Variants in NCBP1 observed in about 807,000 individuals in gnomAD.
NCBP1 encodes the protein nuclear cap-binding protein subunit 1.
A neutral mutation model predicts 111.7 loss-of-function variants in NCBP1; 16 were observed. The observed-to-expected ratio is 0.14, with a 90% CI of 0.10 to 0.22. The LOEUF (loss-of-function observed/expected upper bound fraction) is 0.22. Among genes scored for constraint, NCBP1 ranks in the 10% least tolerant of loss-of-function variants. The pLI is 1.00. For missense variants in NCBP1, 607 were observed against 957.5 expected (o/e 0.63, Z 4.83); for synonymous variants, 304 against 314.3 (o/e 0.97, Z 0.35).
chr9:97,668,782 T>A, intron 20 of NCBP1, 64 bp from the exon 21 acceptor site: 1 of 1,546,150 alleles, frequency 6.5e-7, no homozygotes, highest in African/African-American at 1.4e-5. Context: ...ATGCTTCCCC[T>A]GGAGGAGATT....
intron 8 of NCBP1, among the ~76,000 whole-genome samples, 190 bp downstream of exon 8, chr9:97,648,413 G>A (rs1827405826): frequency 6.6e-6 from 1 of 152,158 alleles, no homozygotes. Flanking sequence ...ATTATATTTG[G>A]CATGTGTAAA....
chr9:97,665,198 G>A (rs989128965), intron 19 of NCBP1, among the ~76,000 whole-genome samples: 3 of 152,236 alleles, frequency 2.0e-5, no homozygotes, highest in Non-Finnish European at 4.4e-5. Context: ...GTGATAGGGT[G>A]TGATCTAAGG....
Position 97,640,846 on chromosome 9 carries a change from T to A in NCBP1, c.87T>A (p.Asp29Glu). The A allele has an allele frequency of 6.2e-7, 1 of 1,609,666 alleles. No homozygotes were observed. Among genetic ancestry groups the A allele is most frequent in the Non-Finnish European group, 8.5e-7 (1 of 1,177,908 alleles). Reference sequence around the variant, plus strand: ...CCTCTGATGCAAATGAAACTGAAGATCATTTGGAATCTTTAATATGTAAAG... The same window carrying A: ...CCTCTGATGCAAATGAAACTGAAGAACATTTGGAATCTTTAATATGTAAAG... The part of the protein sequence containing the change: ...RKTSDANETE[D>E]HLESLICKVG... Residue 29 changes from aspartate to glutamate, a missense_variant, in exon 2 of 23, where the codon GAT (aspartate) becomes GAA (glutamate). By Grantham distance (45) the Asp-to-Glu change is conservative. Coordinates refer to ENST00000375147, the MANE Select transcript of NCBP1 (RefSeq NM_002486.5).
chr9:97,639,157 A>C (rs1475348769), intron 1 of NCBP1, among the ~76,000 whole-genome samples: 1 of 152,188 alleles, frequency 6.6e-6, no homozygotes, highest in Non-Finnish European at 1.5e-5. Flanking sequence ...CTCATGCTGC[A>C]TGCGTATTAT....
intron 14 of NCBP1, 82 bp downstream of exon 14, chr9:97,656,167 T>A: frequency 8.6e-7 from 1 of 1,157,104 alleles, no homozygotes; most frequent in Non-Finnish European, 1.3e-6. Flanking sequence ...GTGTTCAGAA[T>A]ATTGGATTCA....
rs909841571 is a variant in NCBP1, at chr9:97,671,985, T to TA, written c.*786_*787insA. ...GCCTTGGGGTTATTTGTCCAAGGTC[T>TA]TGTAGTGAGTTACAGAATACTAAAG... On this transcript the variant is annotated 3_prime_UTR_variant, in exon 23 of 23. Transcript: ENST00000375147. 4 of 152,228 alleles carry TA rather than the reference T, an allele frequency of 2.6e-5. No homozygotes were observed. Among genetic ancestry groups the TA allele is most frequent in the Non-Finnish European group, 4.4e-5 (3 of 68,040 alleles). 9.4% of individuals were successfully genotyped at this position (152,228 alleles called of 1,614,324 possible). A position where few individuals can be genotyped will look rare whatever the true frequency, so the allele number is the denominator to read the frequency against.
rs369313579 is a variant in NCBP1, at chr9:97,669,025, A to C, written c.2145+51A>C. 3.7e-5 allele frequency: 56 copies of C among 1,504,818 alleles called. No individual in the cohort carries two copies. The Middle Eastern group carries it at 1.3e-3, about 35-fold the overall frequency. The allele number at this position is 1,504,818 out of a possible 1,614,324, so 93.2% of individuals were successfully genotyped here. On this transcript the variant is annotated intron_variant, in intron 21 of 22. Coordinates refer to ENST00000375147, the MANE Select transcript of NCBP1 (RefSeq NM_002486.5). ...ATAAAAGGAAACAATACATTTCTTT[A>C]GTTTTAGTTTTTAAAAATGTTATTT...
In NCBP1 at chr9:97,668,837, C is replaced by T. The variant is rs766440247; in HGVS notation, c.2017-9C>T. ...TGGTATTTTCCTTTTGTTCATTTGCCTTCTATAGCGAAGTGATGATGACGA... is the reference window on the plus strand; with the variant it reads ...TGGTATTTTCCTTTTGTTCATTTGCTTTCTATAGCGAAGTGATGATGACGA... On this transcript the variant is annotated splice_polypyrimidine_tract_variant and intron_variant, in intron 20 of 22. Transcript: ENST00000375147. 1.9e-6 allele frequency: 3 copies of T among 1,607,112 alleles called. No homozygotes were observed. In the Admixed American group the frequency reaches 5.1e-5, roughly 28 times the overall value.
intron 19 of NCBP1, among the ~76,000 whole-genome samples, chr9:97,665,540 TAAC>T (rs1827969313): frequency 6.6e-6 from 1 of 152,230 alleles, no homozygotes; most frequent in African/African-American, 2.4e-5. Flanking sequence ...CAAATATTTG[TAAC>T]TCTGCAAACC....
chr9:97,634,464 A>C (rs1167495489), intron 1 of NCBP1: 1 of 152,542 alleles, frequency 6.6e-6, no homozygotes, highest in African/African-American at 2.4e-5. Context: ...AAACAGACAC[A>C]GGTTACTGCA....
Position 97,672,300 on chromosome 9 carries a change from T to C in NCBP1, c.*1101T>C, listed in dbSNP as rs995244289. ...AGTGTTGTTGTGCATTTGCACAAAA[T>C]AGGTATAATTTTTTCTTATTACATC... On this transcript the variant is annotated 3_prime_UTR_variant, in exon 23 of 23. Transcript: ENST00000375147. The C allele has an allele frequency of 6.6e-6, 1 of 152,210 alleles. No homozygotes were observed. Among genetic ancestry groups the C allele is most frequent in the South Asian group, 2.1e-4 (1 of 4,836 alleles). The allele number at this position is 152,210 out of a possible 1,614,324, so 9.4% of individuals were successfully genotyped here.
intron 22 of NCBP1, 82 bp downstream of exon 22, chr9:97,669,788 G>T (rs1828124439): frequency 1.0e-6 from 1 of 977,986 alleles, no homozygotes; most frequent in African/African-American, 1.6e-5. Context: ...TGTCAAATTT[G>T]TTAGGAGGTT....
At chr9:97,640,230 T>C (rs887155415) in intron 1 of NCBP1, among the ~76,000 whole-genome samples, 1 of 152,196 alleles carries the variant, frequency 6.6e-6, no homozygotes, top group African/African-American at 2.4e-5. Context: ...CCTAATGTTT[T>C]ATGCTCCTTT....
chr9:97,656,069 C>A lies in NCBP1; in HGVS notation c.1357C>A (p.Leu453Ile). Residue 453 changes from leucine to isoleucine, a missense_variant, in exon 14 of 23, where the codon CTA (leucine) becomes ATA (isoleucine). Coordinates refer to ENST00000375147, the MANE Select transcript of NCBP1 (RefSeq NM_002486.5). ...CAAACCGAAGTTTGTAAGAGAAGTT[C>A]TAGAAAAATGTATGAGGTAAGTTTT... ...SPKPKFVREV[L>I]EKCMRLSYHQ... 1 of 1,613,690 alleles carries A rather than the reference C, an allele frequency of 6.2e-7. No homozygotes were observed. The highest frequency in any genetic ancestry group is 1.1e-5 in the South Asian group (1 of 91,064).
At chr9:97,648,287 C>T (rs749523501) in intron 8 of NCBP1, 64 bp downstream of exon 8, 59 of 1,440,466 alleles carry the variant, frequency 4.1e-5, no homozygotes, top group Non-Finnish European at 5.4e-5. Context: ...GGGTTAATCC[C>T]GCTTGAATTA....
chr9:97,636,795 A>G (rs895502087), intron 1 of NCBP1, among the ~76,000 whole-genome samples: 22 of 151,696 alleles, frequency 1.5e-4, no homozygotes, highest in African/African-American at 5.3e-4. Context: ...CAGTCAAGTA[A>G]AGTATAGTGT....
chr9:97,660,704 T>C (rs1384757136), intron 15 of NCBP1, among the ~76,000 whole-genome samples: 1 of 152,234 alleles, frequency 6.6e-6, no homozygotes, highest in African/African-American at 2.4e-5. Flanking sequence ...TTTACTTAGC[T>C]AAGTGTCCTT....
At chr9:97,644,611 A>G (rs1205686461) in intron 4 of NCBP1, among the ~76,000 whole-genome samples, 1 of 152,212 alleles carries the variant, frequency 6.6e-6, no homozygotes, top group East Asian at 1.9e-4. Context: ...CACCCAATAA[A>G]TATGTGTTCT....
At chr9:97,655,057 C>T in intron 12 of NCBP1, 113 bp downstream of exon 12, 1 of 868,330 alleles carries the variant, frequency 1.2e-6, no homozygotes, top group South Asian at 2.1e-5. Flanking sequence ...TTTTTTCTTG[C>T]CTCCCAAAAT....
Sources: gnomAD v4.1 joint callset for allele counts (sites outside exome capture counted in the v4.1 genomes callset) on GRCh38, gnomAD v4.1.1 for gene constraint, MANE v1.5 for transcripts, NCBI Gene and HGNC (gene_info 2026-07-23, HGNC 2026-07-21) for gene names.